The following STARD13 variants were observed in gnomAD, a reference collection of about 807,000 sequenced individuals.
STARD13 encodes StAR related lipid transfer domain containing 13.
STARD13 carries 62 observed loss-of-function variants against 106.4 expected under a neutral mutation model. The ratio of observed to expected loss-of-function variants is 0.58; its 90% CI spans 0.48 to 0.72. STARD13 has a LOEUF of 0.72. STARD13 is among the 30% of genes least tolerant of loss of function. The probability of loss-of-function intolerance (pLI) is 0.00; values close to 1 mark genes in which losing one functional copy is unlikely to be tolerated. For synonymous variants in STARD13, 565 were observed against 553.0 expected (o/e 1.02, Z -0.31); for missense variants, 1,387 against 1,424.0 (o/e 0.97, Z 0.42).
intron 4 of STARD13, among the ~76,000 whole-genome samples, chr13:33,136,921 C>T (rs1023326768): frequency 5.3e-5 from 8 of 152,312 alleles, no homozygotes; most frequent in Non-Finnish European, 7.4e-5. Flanking sequence ...CTGGGTCAGC[C>T]AGGGAGCCAC....
the STARD13 span, among the ~76,000 whole-genome samples, chr13:33,392,153 G>A: frequency 1.1e-4 from 16 of 151,988 alleles, no homozygotes; most frequent in Non-Finnish European, 2.1e-4. Context: ...ATGCACAGAG[G>A]GCCCCTAGGG....
At chr13:33,358,408 G>A in the STARD13 span, among the ~76,000 whole-genome samples, 18 of 152,236 alleles carry the variant, frequency 1.2e-4, no homozygotes, top group Middle Eastern at 3.4e-3. Flanking sequence ...CTGCAGCCCC[G>A]GTGTGGGATC....
intron 1 of STARD13, among the ~76,000 whole-genome samples, chr13:33,323,253 C>A (rs911239050): frequency 6.6e-6 from 1 of 152,170 alleles, no homozygotes; most frequent in African/African-American, 2.4e-5. Flanking sequence ...TGATTCTGAG[C>A]CTTTGCATAT....
At chr13:33,642,247 T>G in the STARD13 span, among the ~76,000 whole-genome samples, 1 of 152,150 alleles carries the variant, frequency 6.6e-6, no homozygotes, top group South Asian at 2.1e-4. Flanking sequence ...GTGAATAAAT[T>G]AGAGCTCAAA....
chr13:33,635,940 C>T, the STARD13 span, among the ~76,000 whole-genome samples: 48 of 151,800 alleles, frequency 3.2e-4, no homozygotes, highest in South Asian at 2.1e-3. Flanking sequence ...GCTGAGATAA[C>T]GCCACTGCAC....
the STARD13 span, among the ~76,000 whole-genome samples, chr13:33,555,603 T>G: frequency 6.6e-6 from 1 of 152,186 alleles, no homozygotes; most frequent in Non-Finnish European, 1.5e-5. Flanking sequence ...CAACCTAACC[T>G]CAGTTAGATT....
chr13:33,159,392 A>G (rs1382189926), intron 3 of STARD13, among the ~76,000 whole-genome samples: 1 of 152,206 alleles, frequency 6.6e-6, no homozygotes, highest in African/African-American at 2.4e-5. Flanking sequence ...AACGTAGTCA[A>G]GGCATCTCAG....
chr13:33,604,724 G>T, the STARD13 span, among the ~76,000 whole-genome samples: 4 of 151,954 alleles, frequency 2.6e-5, no homozygotes, highest in East Asian at 7.8e-4. Flanking sequence ...GCTTTAATCT[G>T]GGAGGCAGAG....
the STARD13 span, among the ~76,000 whole-genome samples, chr13:33,673,561 T>TTTTTTTTTTTTAG: frequency 6.6e-6 from 1 of 151,372 alleles, no homozygotes; most frequent in African/African-American, 2.4e-5. Context: ...TTTTTTTTTT[T>TTTTTTTTTTTTAG]GAGACAGAGT....
exon 1 of STARD13, chr13:33,350,317 T>C: frequency 1.3e-6 from 2 of 1,533,920 alleles, no homozygotes; most frequent in Non-Finnish European, 1.7e-6. Context: ...CGGACGTTCT[T>C]CCACAGCAGA....
chr13:33,445,689 A>G, the STARD13 span, among the ~76,000 whole-genome samples: 1 of 152,150 alleles, frequency 6.6e-6, no homozygotes, highest in Non-Finnish European at 1.5e-5. Context: ...CAAGGGCCTC[A>G]GGCTATTTCC....
chr13:33,470,003 C>T, the STARD13 span, among the ~76,000 whole-genome samples: 4 of 152,126 alleles, frequency 2.6e-5, no homozygotes, highest in Non-Finnish European at 4.4e-5. Flanking sequence ...TTGCTGCACC[C>T]ATCAACCCAT....
At chr13:33,568,735 G>T in the STARD13 span, among the ~76,000 whole-genome samples, 1 of 147,838 alleles carries the variant, frequency 6.8e-6, no homozygotes, top group Non-Finnish European at 1.5e-5. Flanking sequence ...TATTTATAAG[G>T]CCTCAACATA....
chr13:33,458,754 T>A, the STARD13 span, among the ~76,000 whole-genome samples: 2 of 151,990 alleles, frequency 1.3e-5, no homozygotes, highest in African/African-American at 4.8e-5. Context: ...GTGTCCGGAT[T>A]TCAGACCCCA....
chr13:33,224,242 C>T (rs73465037), intron 1 of STARD13, among the ~76,000 whole-genome samples: 2,305 of 152,226 alleles, frequency 0.015, 54 homozygotes, highest in African/African-American at 0.05. Context: ...GGAGATAATG[C>T]TCTCATCTTT....
At chr13:33,340,585 T>C (rs986767800) in intron 1 of STARD13, among the ~76,000 whole-genome samples, 1 of 152,166 alleles carries the variant, frequency 6.6e-6, no homozygotes, top group South Asian at 2.1e-4. Flanking sequence ...GAATTTCCTA[T>C]ATAGGAAGGA....
intron 1 of STARD13, among the ~76,000 whole-genome samples, chr13:33,239,968 A>T (rs1240774448): frequency 6.6e-6 from 1 of 152,132 alleles, no homozygotes; most frequent in Non-Finnish European, 1.5e-5. Context: ...ATTTTTGCAA[A>T]TCCAATGTCA....
chr13:33,626,331 C>G, the STARD13 span, among the ~76,000 whole-genome samples: 2 of 152,222 alleles, frequency 1.3e-5, no homozygotes, highest in Admixed American at 6.5e-5. Context: ...ACCTCCATCT[C>G]TCAAACCATT....
At chr13:33,327,088 G>A (rs1339841351) in intron 1 of STARD13, among the ~76,000 whole-genome samples, 1 of 152,160 alleles carries the variant, frequency 6.6e-6, no homozygotes, top group Non-Finnish European at 1.5e-5. Flanking sequence ...AATTTCCCTT[G>A]AGAAAAATGG....
Sources: allele counts gnomAD v4.1 joint callset (sites outside exome capture counted in the v4.1 genomes callset), GRCh38; gene constraint gnomAD v4.1.1; transcripts MANE v1.5; gene names NCBI Gene and HGNC (gene_info 2026-07-23, HGNC 2026-07-21).